The following NOTCH2 variants were observed in gnomAD, a reference collection of about 807,000 sequenced individuals.
The protein encoded by NOTCH2 is neurogenic locus notch homolog protein 2.
A neutral mutation model predicts 235.8 loss-of-function variants in NOTCH2; 29 were observed. That is an observed-to-expected ratio of 0.12 (90% CI 0.09 to 0.17). The LOEUF (loss-of-function observed/expected upper bound fraction) is 0.17. Among genes scored for constraint, NOTCH2 ranks in the 10% least tolerant of loss-of-function variants. The probability of loss-of-function intolerance (pLI) is 1.00; values close to 1 mark genes in which losing one functional copy is unlikely to be tolerated. For synonymous variants in NOTCH2, 1,086 were observed against 1,141.5 expected (o/e 0.95, Z 0.98); for missense variants, 2,285 against 3,150.2 (o/e 0.73, Z 6.57).
intron 5 of NOTCH2, among the ~76,000 whole-genome samples, chr1:119,985,922 A>G (rs1431795176): frequency 6.6e-6 from 1 of 152,204 alleles, no homozygotes; most frequent in Non-Finnish European, 1.5e-5. Flanking sequence ...TAAAAGGGAC[A>G]GTTTGGGAAT....
chr1:120,017,657 T>C (rs369420471), intron 2 of NOTCH2, among the ~76,000 whole-genome samples: 3 of 148,346 alleles, frequency 2.0e-5, no homozygotes, highest in African/African-American at 7.5e-5. Flanking sequence ...TCCTGATATA[T>C]AGACTACTTC....
intron 3 of NOTCH2, among the ~76,000 whole-genome samples, chr1:119,999,955 GAAA>G (rs1652662635): frequency 5.7e-4 from 74 of 129,472 alleles, no homozygotes; most frequent in African/African-American, 1.2e-3. Flanking sequence ...AAGAAAGAAA[GAAA>G]GAAAGAAAGA....
Position 119,997,203 on chromosome 1 carries a change from T to C in NOTCH2, c.545A>G (p.Asp182Gly), listed in dbSNP as rs202199981. 6.2e-7 allele frequency: 1 copy of C among 1,613,886 alleles called. No homozygotes were observed. Among genetic ancestry groups the C allele is most frequent in the African/African-American group, 1.3e-5 (1 of 74,936 alleles). Residue 182 changes from aspartate to glycine, a missense_variant, in exon 4 of 34, where the codon GAT becomes GGT. Around this residue, in one of 6 missense-constraint regions of NOTCH2, gnomAD observed 431 missense variants for 757.8 expected, o/e 0.57. Transcript: ENST00000256646. The stretch of plus-strand genomic sequence containing the variant: ...TCCTGGAATGTCACACTCATTGACA[T>C]CAGTCTCACATTTCTGCCCTGTGAA... Reference protein sequence around the residue: ...TGFTGQKCETDVNECDIPGHC... With the variant: ...TGFTGQKCETGVNECDIPGHC...
intron 5 of NOTCH2, among the ~76,000 whole-genome samples, chr1:119,983,750 A>T (rs1651905616): frequency 6.6e-6 from 1 of 152,244 alleles, no homozygotes; most frequent in African/African-American, 2.4e-5. Flanking sequence ...ATTTATGCTC[A>T]TCTTGAAGTG....
At chr1:119,950,923 C>T (rs1390510587) in intron 14 of NOTCH2, 86 bp from the exon 15 acceptor site, 9 of 842,538 alleles carry the variant, frequency 1.1e-5, no homozygotes, top group Non-Finnish European at 1.9e-5. Context: ...GGGGTAAAAA[C>T]TGAACACATC....
At position 119,914,395 on chromosome 1, in the gene NOTCH2, T is replaced by C. The variant is rs959927610; in HGVS notation, c.*911A>G. ...TTTAAAAAAGTGGGGAGGGTCATAG[T>C]AACTAGACTATCAAGGATAAAACTT... On this transcript the variant is annotated 3_prime_UTR_variant, in exon 34 of 34. Transcript: ENST00000256646. 4 of 233,086 alleles carry C rather than the reference T, an allele frequency of 1.7e-5. No homozygotes were observed. Among genetic ancestry groups the C allele is most frequent in the Admixed American group, 5.6e-5 (1 of 17,786 alleles). 14.4% of individuals were successfully genotyped at this position (233,086 alleles called of 1,614,324 possible). A position where few individuals can be genotyped will look rare whatever the true frequency, so the allele number is the denominator to read the frequency against.
chr1:119,986,544 T>A (rs1436190651), intron 5 of NOTCH2, among the ~76,000 whole-genome samples: 2 of 152,186 alleles, frequency 1.3e-5, no homozygotes, highest in African/African-American at 4.8e-5. Flanking sequence ...CAGATCTCTG[T>A]CCGTGAACAA....
chr1:119,949,393 T>C (rs1303326425), intron 15 of NOTCH2, among the ~76,000 whole-genome samples: 3 of 147,714 alleles, frequency 2.0e-5, no homozygotes, highest in Non-Finnish European at 4.5e-5. Flanking sequence ...CTTTTTTTTT[T>C]TTTTTTTTTT....
At chr1:119,948,340 T>G in intron 17 of NOTCH2, 74 bp downstream of exon 17, 1 of 1,559,672 alleles carries the variant, frequency 6.4e-7, no homozygotes, top group Non-Finnish European at 8.8e-7. Context: ...GGCGGCAGCC[T>G]CCACTGGGCT....
At chr1:119,940,333 T>C (rs782534195) in intron 19 of NOTCH2, among the ~76,000 whole-genome samples, 39 of 152,232 alleles carry the variant, frequency 2.6e-4, no homozygotes, top group Non-Finnish European at 1.2e-4. Context: ...CTGCAGTTCT[T>C]GGTTAGCCTC....
rs587663329 is a variant in NOTCH2, at chr1:119,916,825, C to T, written c.6028-131G>A. On this transcript the variant is annotated intron_variant, in intron 33 of 33. Transcript: ENST00000256646. The stretch of plus-strand genomic sequence containing the variant: ...TTATCTCCCCGATGAAATATTAACA[C>T]CACAGATAGGCTGTGCCTCTACCAA... The T allele has an allele frequency of 7.9e-5, 70 of 883,444 alleles. No individual in the cohort carries two copies. The African/African-American group carries it at 1.0e-3, about 13-fold the overall frequency. 54.7% of individuals were successfully genotyped at this position (883,444 alleles called of 1,614,324 possible).
At chr1:119,963,883 T>G in intron 10 of NOTCH2, 76 bp from the exon 11 acceptor site, 1 of 1,222,784 alleles carries the variant, frequency 8.2e-7, no homozygotes, top group Non-Finnish European at 1.2e-6. Context: ...TGTAGCTACA[T>G]CCATTTACTC....
chr1:120,029,300 T>C (rs1166527083), intron 2 of NOTCH2, among the ~76,000 whole-genome samples: 2 of 151,574 alleles, frequency 1.3e-5, no homozygotes, highest in Non-Finnish European at 2.9e-5. Context: ...ACTCTAAGAG[T>C]ATGCCTTAAT....
At chr1:119,961,584 C>G (rs1326924890) in intron 11 of NOTCH2, among the ~76,000 whole-genome samples, 1 of 152,238 alleles carries the variant, frequency 6.6e-6, no homozygotes, top group Non-Finnish European at 1.5e-5. Context: ...ATAAGAGGCT[C>G]TGGGTGCTTT....
At chr1:119,987,108 T>C in intron 4 of NOTCH2, 26 bp from the exon 5 acceptor site, 1 of 1,612,938 alleles carries the variant, frequency 6.2e-7, no homozygotes, top group South Asian at 1.1e-5. Context: ...CAAATGAAAA[T>C]GATGAAATCT....
intron 5 of NOTCH2, 45 bp downstream of exon 5, chr1:119,986,915 A>T: frequency 6.2e-7 from 1 of 1,612,832 alleles, no homozygotes; most frequent in Non-Finnish European, 8.5e-7. Flanking sequence ...GCCTCTGGTT[A>T]CCAATCCATA....
At chr1:120,045,697 TC>T (rs1367122979) in intron 1 of NOTCH2, among the ~76,000 whole-genome samples, 1 of 152,286 alleles carries the variant, frequency 6.6e-6, no homozygotes, top group Non-Finnish European at 1.5e-5. Context: ...CTTTATCTTT[TC>T]TACCTCAAGT....
At chr1:119,975,379 G>A (rs1393367342) in intron 5 of NOTCH2, among the ~76,000 whole-genome samples, 1 of 152,172 alleles carries the variant, frequency 6.6e-6, no homozygotes, top group Non-Finnish European at 1.5e-5. Flanking sequence ...CAGGCGTGGT[G>A]GCTCACGCCT....
In NOTCH2 at chr1:119,915,386, C is replaced by T. The variant is rs1379769528; in HGVS notation, c.7336G>A (p.Gly2446Arg). 1 of 1,614,202 alleles carries T rather than the reference C, an allele frequency of 6.2e-7. No homozygotes were observed. ...WSDVTTSPTPGGAGGGQRGPG... is the reference protein window; with the variant it reads ...WSDVTTSPTPRGAGGGQRGPG... Reference sequence around the variant, plus strand: ...CCCCGCTGACCTCCTCCAGCACCCCCAGGGGTAGGGCTGGTGGTCACATCT... The same window carrying T: ...CCCCGCTGACCTCCTCCAGCACCCCTAGGGGTAGGGCTGGTGGTCACATCT... Residue 2446 changes from glycine to arginine, a missense_variant, in exon 34 of 34, where the codon GGG becomes AGG. Coordinates refer to ENST00000256646, the MANE Select transcript of NOTCH2 (RefSeq NM_024408.4).
Sources: gnomAD v4.1 joint callset for allele counts (sites outside exome capture counted in the v4.1 genomes callset) on GRCh38, gnomAD v4.1.1 for gene constraint, gnomAD v4.1.1 regional missense constraint, MANE v1.5 for transcripts, NCBI Gene and HGNC (gene_info 2026-07-23, HGNC 2026-07-21) for gene names.